The following OSBPL8 variants were observed in gnomAD, a reference collection of about 807,000 sequenced individuals.
The protein encoded by OSBPL8 is oxysterol-binding protein-related protein 8.
A neutral mutation model predicts 125.5 loss-of-function variants in OSBPL8; 59 were observed. The observed-to-expected ratio is 0.47, with a 90% CI of 0.38 to 0.58. The LOEUF (loss-of-function observed/expected upper bound fraction) is 0.58, where lower values mean the gene tolerates loss of function less well. Ranked by LOEUF, OSBPL8 falls within the 20% of genes least tolerant of loss-of-function variation. OSBPL8 has a pLI of 0.00. For missense variants in OSBPL8, 758 were observed against 1,047.8 expected (o/e 0.72, Z 3.82); for synonymous variants, 330 against 338.9 (o/e 0.97, Z 0.29).
rs1012554403 is a variant in OSBPL8 at position 76,503,188 on chromosome 12, T to C, written c.-67-15570A>G. Among the ~76,000 whole-genome samples, 4 of 152,180 alleles carry C rather than the reference T, an allele frequency of 2.6e-5. No individual in the cohort carries two copies. The East Asian group carries it at 7.7e-4, about 29-fold the overall frequency. The stretch of plus-strand genomic sequence containing the variant: ...GTTGCCATAATAAAATACGACAAAC[T>C]GGGGGTAGCTTAAACAACAGAACAT... On this transcript the variant is annotated intron_variant, in intron 1 of 23. Transcript: ENST00000261183.
chr12:76,459,029 C>T (rs34838249), intron 3 of OSBPL8, among the ~76,000 whole-genome samples: 74,437 of 151,890 alleles, frequency 0.49, 19,531 homozygotes, highest in African/African-American at 0.66. Flanking sequence ...TGTTTAGTTA[C>T]ACTTGAATGC....
intron 1 of OSBPL8, among the ~76,000 whole-genome samples, chr12:76,530,488 ACAAATAGCAAAATAGCAAC>A (rs1224056336): frequency 6.6e-6 from 1 of 152,166 alleles, no homozygotes; most frequent in African/African-American, 2.4e-5. Context: ...CATCCTAGCT[ACAAATAGCAAAATAGCAAC>A]TTGCCTCCTC....
rs943210793 is a variant in OSBPL8, at chr12:76,352,102, C to T, written c.*3787G>A. 6.6e-6 allele frequency: 1 copy of T among 152,490 alleles called. No individual in the cohort carries two copies. The highest frequency in any genetic ancestry group is 1.5e-5 in the Non-Finnish European group (1 of 68,022). 9.4% of individuals were successfully genotyped at this position (152,490 alleles called of 1,614,324 possible). On this transcript the variant is annotated 3_prime_UTR_variant, in exon 24 of 24. Coordinates refer to ENST00000261183, the MANE Select transcript of OSBPL8 (RefSeq NM_020841.5). ...ATGGCCATTAAACAGAACATTTAAA[C>T]TCAGATGTATATTTAGCATGCTAAA...
chr12:76,461,924 AATAAC>A (rs1375286778), intron 2 of OSBPL8, among the ~76,000 whole-genome samples: 2 of 152,224 alleles, frequency 1.3e-5, no homozygotes, highest in Non-Finnish European at 1.5e-5. Flanking sequence ...TGTACCAATA[AATAAC>A]ATAACACTGG....
At chr12:76,371,001 A>G (rs963345455) in intron 19 of OSBPL8, among the ~76,000 whole-genome samples, 5 of 152,180 alleles carry the variant, frequency 3.3e-5, no homozygotes, top group African/African-American at 9.7e-5. Flanking sequence ...TTATTACCCA[A>G]CTAATAAATC....
Position 76,505,461 on chromosome 12 carries a change from C to T in OSBPL8, c.-67-17843G>A, listed in dbSNP as rs192620440. ...ACCTGTAGTAATTTATTTTCCTCGA[C>T]GAACCTGACCTGATAATTTTTTAAA... On this transcript the variant is annotated intron_variant, in intron 1 of 23. Coordinates refer to ENST00000261183, the MANE Select transcript of OSBPL8 (RefSeq NM_020841.5). Among the ~76,000 whole-genome samples the T allele has an allele frequency of 4.6e-5, 7 of 151,964 alleles. No individual in the cohort carries two copies. The East Asian group carries it at 5.8e-4, about 13-fold the overall frequency.
intron 4 of OSBPL8, among the ~76,000 whole-genome samples, chr12:76,448,393 G>A (rs1291566046): frequency 6.6e-6 from 1 of 151,900 alleles, no homozygotes; most frequent in African/African-American, 2.4e-5. Flanking sequence ...ATATTCTAGT[G>A]CACAGATACA....
At chr12:76,528,508 C>T (rs1469584897) in intron 1 of OSBPL8, among the ~76,000 whole-genome samples, 1 of 151,958 alleles carries the variant, frequency 6.6e-6, no homozygotes, top group Non-Finnish European at 1.5e-5. Flanking sequence ...TAAATCATGC[C>T]TTGTCGAGTC....
At chr12:76,501,586 T>C (rs547758427) in intron 1 of OSBPL8, among the ~76,000 whole-genome samples, 1 of 152,350 alleles carries the variant, frequency 6.6e-6, no homozygotes, top group South Asian at 2.1e-4. Flanking sequence ...AGTCAGCCTC[T>C]TTCTCCAGCC....
At chr12:76,484,978 T>C (rs1366259479) in intron 2 of OSBPL8, among the ~76,000 whole-genome samples, 1 of 152,120 alleles carries the variant, frequency 6.6e-6, no homozygotes, top group African/African-American at 2.4e-5. Flanking sequence ...TAGAGTGCAG[T>C]GGCGCGATCT....
Position 76,426,626 on chromosome 12 carries a change from T to C in OSBPL8, c.218-15992A>G, listed in dbSNP as rs546023408. On this transcript the variant is annotated intron_variant, in intron 4 of 23. Coordinates refer to ENST00000261183, the MANE Select transcript of OSBPL8 (RefSeq NM_020841.5). ...GCAATGATTTCTTCTAAACCTGGTA[T>C]GCTGGGTACGTAAGTATTGGTTTTA... Among the ~76,000 whole-genome samples, 7 of 152,314 alleles carry C rather than the reference T, an allele frequency of 4.6e-5. No individual in the cohort carries two copies. The South Asian group carries it at 1.4e-3, about 32-fold the overall frequency.
chr12:76,544,434 T>G (rs1950729308), intron 1 of OSBPL8, among the ~76,000 whole-genome samples: 1 of 152,184 alleles, frequency 6.6e-6, no homozygotes, highest in Non-Finnish European at 1.5e-5. Flanking sequence ...GTCAAATGCA[T>G]TATTCCAAAA....
chr12:76,374,809 C>T lies in OSBPL8; in HGVS notation c.1827+464G>A, dbSNP rs149107546. On this transcript the variant is annotated intron_variant, in intron 17 of 23. Transcript: ENST00000261183. ...CTGTCCAAATTTTTGACTCACAGAA[C>T]TCATGAGGAACAGCACATAGTTATT... Among the ~76,000 whole-genome samples the T allele has an allele frequency of 8.5e-5, 13 of 152,230 alleles. No individual in the cohort carries two copies. The East Asian group carries it at 2.1e-3, about 25-fold the overall frequency.
intron 2 of OSBPL8, among the ~76,000 whole-genome samples, chr12:76,474,039 C>T (rs532918654): frequency 2.6e-5 from 4 of 152,076 alleles, no homozygotes; most frequent in Non-Finnish European, 5.9e-5. Context: ...CTAATGCAGC[C>T]AACAGTTTTA....
rs190234197 is a variant in OSBPL8 at position 76,496,788 on chromosome 12, C to T, written c.-67-9170G>A. Among the ~76,000 whole-genome samples the T allele has an allele frequency of 3.7e-3, 557 of 152,172 alleles. 3 individuals are homozygous for T. The highest frequency in any genetic ancestry group is 5.0e-3 in the Non-Finnish European group (342 of 68,012). ...AACTCCTGACCTCAGGTGATCCACC[C>T]GCCTCAACCTCCCAAAGTATTAGGA... On this transcript the variant is annotated intron_variant, in intron 1 of 23. Transcript: ENST00000261183.
chr12:76,369,905 T>C, intron 19 of OSBPL8, 83 bp from the exon 20 acceptor site: 1 of 1,261,970 alleles, frequency 7.9e-7, no homozygotes, highest in Non-Finnish European at 1.1e-6. Flanking sequence ...AAATCCCTTG[T>C]AGAGAAAATA....
intron 1 of OSBPL8, among the ~76,000 whole-genome samples, chr12:76,514,652 A>T (rs141282597): frequency 6.6e-6 from 1 of 152,086 alleles, no homozygotes; most frequent in Non-Finnish European, 1.5e-5. Context: ...TCTTGTATAG[A>T]GTCTTTCAGG....
At chr12:76,386,098 A>G in intron 14 of OSBPL8, 70 bp downstream of exon 14, 1 of 1,530,744 alleles carries the variant, frequency 6.5e-7, no homozygotes, top group South Asian at 1.3e-5. Flanking sequence ...TTTACTGGGT[A>G]AATATTTTCT....
chr12:76,532,299 AT>A (rs150512182), intron 1 of OSBPL8, among the ~76,000 whole-genome samples: 121 of 152,260 alleles, frequency 7.9e-4, no homozygotes, highest in African/African-American at 2.7e-3. Flanking sequence ...GTGAAAAAAA[AT>A]CACTATAAAT....
Sources: gnomAD v4.1 joint callset for allele counts (sites outside exome capture counted in the v4.1 genomes callset) on GRCh38, gnomAD v4.1.1 for gene constraint, MANE v1.5 for transcripts, NCBI Gene and HGNC (gene_info 2026-07-23, HGNC 2026-07-21) for gene names.